CDH22: variants seen among roughly 807,000 people sequenced by gnomAD.
CDH22 encodes cadherin 22, also known as cadherin-22.
CDH22 carries 30 observed loss-of-function variants against 58.4 expected under a neutral mutation model. The ratio of observed to expected loss-of-function variants is 0.51; its 90% CI spans 0.38 to 0.70. The LOEUF is 0.70. Ranked by LOEUF, CDH22 falls within the 30% of genes least tolerant of loss-of-function variation. The pLI is 0.00. For synonymous variants in CDH22, 513 were observed against 558.2 expected (o/e 0.92, Z 1.14); for missense variants, 1,014 against 1,233.9 (o/e 0.82, Z 2.67).
intron 4 of CDH22, among the ~76,000 whole-genome samples, chr20:46,217,973 C>A (rs1256536232): frequency 6.6e-6 from 1 of 151,772 alleles, no homozygotes; most frequent in Admixed American, 6.6e-5. Context: ...GTTGCCCAGG[C>A]TGGAGTGCAG....
chr20:46,196,660 C>A (rs2085905319), intron 8 of CDH22, among the ~76,000 whole-genome samples: 1 of 152,198 alleles, frequency 6.6e-6, no homozygotes, highest in African/African-American at 2.4e-5. Context: ...GTCAGGCAGG[C>A]TGGGGTTGGG....
Position 46,213,185 on chromosome 20 carries a change from A to C in CDH22, c.842T>G (p.Met281Arg). ...NDNPPRFPQK[M>R]YQFSIQESAP... ...TGACTCCTGGATGCTGAACTGGTACATCTCTGTGGGGGACACGGCCATGAG... is the reference window on the plus strand; with the variant it reads ...TGACTCCTGGATGCTGAACTGGTACCTCTCTGTGGGGGACACGGCCATGAG... Residue 281 changes from methionine to arginine, a missense_variant, in exon 6 of 12, where the codon ATG (methionine) becomes AGG (arginine). Met to Arg is a moderately conservative substitution (Grantham distance 91). Transcript: ENST00000537909. The C allele has an allele frequency of 6.2e-7, 1 of 1,613,798 alleles. No homozygotes were observed. Among genetic ancestry groups the C allele is most frequent in the Non-Finnish European group, 8.5e-7 (1 of 1,179,876 alleles).
At chr20:46,261,593 T>C (rs2086433448) in intron 1 of CDH22, among the ~76,000 whole-genome samples, 2 of 152,138 alleles carry the variant, frequency 1.3e-5, no homozygotes, top group Non-Finnish European at 2.9e-5. Context: ...GTATGTGTCC[T>C]CTCTCCATGC....
chr20:46,271,800 C>T (rs1003645622), intron 1 of CDH22, among the ~76,000 whole-genome samples: 1 of 152,176 alleles, frequency 6.6e-6, no homozygotes, highest in African/African-American at 2.4e-5. Flanking sequence ...CTCACTCTTT[C>T]CCTGGGCAAT....
intron 8 of CDH22, among the ~76,000 whole-genome samples, chr20:46,193,024 G>C (rs1313412115): frequency 6.6e-6 from 1 of 152,054 alleles, no homozygotes; most frequent in Non-Finnish European, 1.5e-5. Flanking sequence ...GACCTTATTG[G>C]GGGGACGTTT....
intron 1 of CDH22, among the ~76,000 whole-genome samples, chr20:46,264,479 G>T (rs986665348): frequency 6.6e-6 from 1 of 152,146 alleles, no homozygotes; most frequent in Non-Finnish European, 1.5e-5. Flanking sequence ...TTCCATGCAG[G>T]GCACTTTATA....
chr20:46,266,609 G>A (rs1453408511), intron 1 of CDH22, among the ~76,000 whole-genome samples: 1 of 152,212 alleles, frequency 6.6e-6, no homozygotes, highest in African/African-American at 2.4e-5. Context: ...ATTGTAACCT[G>A]AGCAGATGAC....
rs1316050575 is a variant in CDH22, at chr20:46,241,721, T to C, written c.256-464A>G. On this transcript the variant is annotated intron_variant, in intron 2 of 11. Coordinates refer to ENST00000537909, the MANE Select transcript of CDH22 (RefSeq NM_021248.3). The surrounding 1 kb of genome is among the most constrained non-coding windows in gnomAD (Gnocchi z 5.2). ...AAAATGCCACCTCTTTCAGAAAGCT[T>C]TTCTGGATCCTCAGTCTCCCCCTGC... Among the ~76,000 whole-genome samples, 2 of 152,072 alleles carry C rather than the reference T, an allele frequency of 1.3e-5. No individual in the cohort carries two copies. The highest frequency in any genetic ancestry group is 6.5e-5 in the Admixed American group (1 of 15,274).
At chr20:46,223,673 CT>C (rs1344732598) in intron 4 of CDH22, among the ~76,000 whole-genome samples, 3 of 68,876 alleles carry the variant, frequency 4.4e-5, no homozygotes, top group Non-Finnish European at 6.3e-5. Flanking sequence ...TTCCTTCTTT[CT>C]TTCTTTCTTT....
At chr20:46,188,365 A>G (rs931014610) in intron 8 of CDH22, among the ~76,000 whole-genome samples, 1 of 152,136 alleles carries the variant, frequency 6.6e-6, no homozygotes, top group Non-Finnish European at 1.5e-5. Flanking sequence ...CCTGTGCCTC[A>G]ATTTTCTCAC....
chr20:46,251,603 G>A lies in CDH22; in HGVS notation c.-309C>T, dbSNP rs1256193576. On this transcript the variant is annotated 5_prime_UTR_variant, in exon 2 of 12. The change creates a premature stop within an existing upstream ORF in the 5' untranslated region. Coordinates refer to ENST00000537909, the MANE Select transcript of CDH22 (RefSeq NM_021248.3). This position sits in a 1 kb window ranked among gnomAD's most constrained non-coding sequence, Gnocchi z 6.7. ...GCAGCACCTGGACAGCTCCAGAGTC[G>A]GGGAAGCGCCATGGTTCCTGCGCAG... 4.3e-5 allele frequency: 10 copies of A among 229,936 alleles called. No homozygotes were observed. Among genetic ancestry groups the A allele is most frequent in the South Asian group, 1.8e-4 (1 of 5,536 alleles). 14.2% of individuals were successfully genotyped at this position (229,936 alleles called of 1,614,324 possible). A position where few individuals can be genotyped will look rare whatever the true frequency, so the allele number is the denominator to read the frequency against.
chr20:46,262,604 G>A (rs2086438794), intron 1 of CDH22, among the ~76,000 whole-genome samples: 2 of 152,164 alleles, frequency 1.3e-5, no homozygotes, highest in African/African-American at 4.8e-5. Flanking sequence ...TCCACACACA[G>A]CCTTTTGAGG....
At chr20:46,188,611 A>G (rs1437616044) in intron 8 of CDH22, among the ~76,000 whole-genome samples, 1 of 152,232 alleles carries the variant, frequency 6.6e-6, no homozygotes, top group African/African-American at 2.4e-5. Flanking sequence ...CAAGTGCTAT[A>G]TAAGCATTTG....
intron 1 of CDH22, among the ~76,000 whole-genome samples, chr20:46,256,613 A>C (rs1420973617): frequency 6.6e-6 from 1 of 152,148 alleles, no homozygotes; most frequent in African/African-American, 2.4e-5. Context: ...GTGGAGTCAG[A>C]GCCTACAGGC....
intron 2 of CDH22, among the ~76,000 whole-genome samples, chr20:46,242,023 T>A (rs912939711): frequency 1.3e-5 from 2 of 152,068 alleles, no homozygotes; most frequent in Non-Finnish European, 2.9e-5. Context: ...CTCATTTTGG[T>A]ATATGGAGAA....
At chr20:46,249,312 G>A (rs899348066) in intron 2 of CDH22, among the ~76,000 whole-genome samples, 4 of 152,106 alleles carry the variant, frequency 2.6e-5, no homozygotes, top group Non-Finnish European at 5.9e-5. Context: ...TTCTACCAGC[G>A]TCACCATCTC....
chr20:46,254,788 G>A (rs2086398312), intron 1 of CDH22, among the ~76,000 whole-genome samples: 1 of 152,124 alleles, frequency 6.6e-6, no homozygotes, highest in Non-Finnish European at 1.5e-5. Context: ...GGTGGCATTG[G>A]GCTGAGTCTG....
chr20:46,293,859 C>T (rs2086616856), intron 1 of CDH22, among the ~76,000 whole-genome samples: 1 of 151,962 alleles, frequency 6.6e-6, no homozygotes, highest in South Asian at 2.1e-4. Context: ...TACTAAAATA[C>T]AAAAAATTAG....
At chr20:46,280,843 G>A (rs2086547738) in intron 1 of CDH22, among the ~76,000 whole-genome samples, 1 of 152,194 alleles carries the variant, frequency 6.6e-6, no homozygotes, top group African/African-American at 2.4e-5. Context: ...TCTTCCAAGA[G>A]CTTCTCCAAC....
Sources: allele counts gnomAD v4.1 joint callset (sites outside exome capture counted in the v4.1 genomes callset), GRCh38; gene constraint gnomAD v4.1.1; non-coding constraint Gnocchi (gnomAD v3.1); transcripts MANE v1.5; gene names NCBI Gene and HGNC (gene_info 2026-07-23, HGNC 2026-07-21).